SEMA3A: variants seen among roughly 807,000 people sequenced by gnomAD.
SEMA3A encodes semaphorin 3A, also known as semaphorin-3A.
SEMA3A carries 29 observed loss-of-function variants against 97.9 expected under a neutral mutation model. The observed-to-expected ratio is 0.30, with a 90% confidence interval of 0.22 to 0.40. The LOEUF (loss-of-function observed/expected upper bound fraction) is 0.40, where lower values mean the gene tolerates loss of function less well. Among genes scored for constraint, SEMA3A ranks in the 10% least tolerant of loss-of-function variants. The probability of loss-of-function intolerance (pLI) is 1.00; values close to 1 mark genes in which losing one functional copy is unlikely to be tolerated. For synonymous variants in SEMA3A, 321 were observed against 323.7 expected (o/e 0.99, Z 0.09); for missense variants, 763 against 951.3 (o/e 0.80, Z 2.60).
chr7:84,345,517 T>C (rs1409931199), intron 2 of SEMA3A, among the ~76,000 whole-genome samples: 2 of 152,208 alleles, frequency 1.3e-5, no homozygotes, highest in African/African-American at 4.8e-5. Context: ...GTCAATCCTT[T>C]CAAATCCTGC....
intron 2 of SEMA3A, among the ~76,000 whole-genome samples, chr7:84,313,390 A>AAAC (rs1801409001): frequency 4.3e-5 from 4 of 91,980 alleles, no homozygotes; most frequent in Non-Finnish European, 7.2e-5. Flanking sequence ...ATATATATAT[A>AAAC]TATATATATA....
chr7:83,978,243 G>C (rs1455965179), intron 14 of SEMA3A, among the ~76,000 whole-genome samples: 4 of 152,176 alleles, frequency 2.6e-5, no homozygotes, highest in African/African-American at 9.7e-5. Flanking sequence ...AGGAATGAGA[G>C]AGAGAATAAA....
chr7:84,208,258 C>T (rs982284862), intron 3 of SEMA3A, among the ~76,000 whole-genome samples: 1 of 152,096 alleles, frequency 6.6e-6, no homozygotes, highest in Non-Finnish European at 1.5e-5. Flanking sequence ...CGAGACCATC[C>T]TGGCTAACAT....
intron 1 of SEMA3A, among the ~76,000 whole-genome samples, chr7:84,401,839 T>C (rs1461344890): frequency 2.6e-5 from 4 of 152,140 alleles, no homozygotes; most frequent in Admixed American, 2.6e-4. Flanking sequence ...CCTTTATCTG[T>C]CATCATATAA....
intron 3 of SEMA3A, among the ~76,000 whole-genome samples, chr7:84,284,602 T>C: frequency 6.6e-6 from 1 of 152,140 alleles, no homozygotes; most frequent in African/African-American, 2.4e-5. Context: ...TGACCTTCAG[T>C]TTCAGTGTCC....
At chr7:84,004,635 T>C (rs1790592026) in intron 11 of SEMA3A, among the ~76,000 whole-genome samples, 1 of 152,210 alleles carries the variant, frequency 6.6e-6, no homozygotes, top group African/African-American at 2.4e-5. Context: ...AGAAAAGTTA[T>C]GATGCAATTA....
intron 1 of SEMA3A, among the ~76,000 whole-genome samples, chr7:84,176,650 A>AT (rs1320520765): frequency 2.0e-5 from 3 of 152,268 alleles, no homozygotes; most frequent in East Asian, 3.9e-4. Flanking sequence ...ATGTAAACAC[A>AT]TTTTTTAAGC....
chr7:84,141,153 G>C (rs1279097705), intron 1 of SEMA3A, among the ~76,000 whole-genome samples: 1 of 152,070 alleles, frequency 6.6e-6, no homozygotes, highest in Admixed American at 6.6e-5. Flanking sequence ...GCGTAGATGG[G>C]GCCAATACCA....
chr7:84,227,941 G>T lies in SEMA3A; in HGVS notation c.-82-33273C>A, dbSNP rs910366743. Among the ~76,000 whole-genome samples the T allele has an allele frequency of 4.0e-5, 6 of 151,662 alleles. No homozygotes were observed. The South Asian group carries it at 1.2e-3, about 31-fold the overall frequency. On this transcript the variant is annotated intron_variant, in intron 3 of 3. Coordinates refer to the SEMA3A transcript ENST00000424555. ...TGTGTGTCAGGGAGTGGGGGGCGGG[G>T]GCAGGTAGTAGTTGTATGGGAATGG... is the stretch of plus-strand genomic sequence containing the variant.
At chr7:84,091,172 GAAA>G (rs1794571889) in intron 4 of SEMA3A, among the ~76,000 whole-genome samples, 772 of 36,418 alleles carry the variant, frequency 0.021, 7 homozygotes, top group Middle Eastern at 0.033. Flanking sequence ...AGGAAGGAAA[GAAA>G]GAAAGAAAGA....
intron 1 of SEMA3A, among the ~76,000 whole-genome samples, chr7:84,473,550 G>A (rs1388415943): frequency 1.3e-5 from 2 of 151,564 alleles, no homozygotes; most frequent in East Asian, 3.9e-4. Context: ...CACCACGCCT[G>A]GCTAATTTTT....
intron 4 of SEMA3A, among the ~76,000 whole-genome samples, chr7:84,062,943 T>C (rs13311844): frequency 2.0e-5 from 3 of 151,950 alleles, no homozygotes; most frequent in Non-Finnish European, 4.4e-5. Context: ...TGCCTGCCTC[T>C]GTAGGCTCCA....
At position 84,252,744 on chromosome 7, in the gene SEMA3A, A is replaced by C. The variant is rs112546235; in HGVS notation, c.-83+54463T>G. 3.3e-5 allele frequency among the ~76,000 whole-genome samples: 5 copies of C among 152,358 alleles called. 1 individual carries two copies. Among genetic ancestry groups the C allele is most frequent in the African/African-American group, 1.2e-4 (5 of 41,592 alleles). Reference sequence around the variant, plus strand: ...TTATTTCACTCTCTCATCTATTTACAGAAATTGTATATATAAAATTATCAA... The same window carrying C: ...TTATTTCACTCTCTCATCTATTTACCGAAATTGTATATATAAAATTATCAA... On this transcript the variant is annotated intron_variant, in intron 3 of 3. Transcript: ENST00000424555.
chr7:84,014,490 A>G lies in SEMA3A; in HGVS notation c.668-139T>C. ...TCTTTCGTTTGTTCATTTTGTAGGT[A>G]CATATTAATTGTTCTTTATGCATTA... On this transcript the variant is annotated intron_variant, in intron 6 of 16. Transcript: ENST00000265362. 7.4e-6 allele frequency: 5 copies of G among 673,348 alleles called. No homozygotes were observed. The South Asian group carries it at 1.0e-4, about 13-fold the overall frequency. 41.7% of individuals were successfully genotyped at this position (673,348 alleles called of 1,614,324 possible).
chr7:84,057,738 G>A (rs1226052695), intron 5 of SEMA3A, among the ~76,000 whole-genome samples: 1 of 144,100 alleles, frequency 6.9e-6, no homozygotes, highest in Non-Finnish European at 1.5e-5. Flanking sequence ...CTCCAGCCTG[G>A]GCGACAGAGC....
At chr7:84,026,509 G>T (rs1209729685) in intron 6 of SEMA3A, among the ~76,000 whole-genome samples, 2 of 152,124 alleles carry the variant, frequency 1.3e-5, no homozygotes, top group East Asian at 3.9e-4. Context: ...ATACCAAGAA[G>T]AATATAAATC....
chr7:84,398,658 A>T (rs1010422230), intron 1 of SEMA3A, among the ~76,000 whole-genome samples: 3 of 151,760 alleles, frequency 2.0e-5, no homozygotes, highest in Non-Finnish European at 4.4e-5. Context: ...TTTTGTTTTA[A>T]TTAGCCAAAC....
chr7:84,044,604 A>T (rs567740464), intron 6 of SEMA3A, among the ~76,000 whole-genome samples: 1 of 152,202 alleles, frequency 6.6e-6, no homozygotes, highest in South Asian at 2.1e-4. Context: ...AGTAGAGATT[A>T]ATAAAAAGTA....
chr7:84,288,089 C>A (rs111848505), intron 3 of SEMA3A, among the ~76,000 whole-genome samples: 118 of 152,046 alleles, frequency 7.8e-4, no homozygotes, highest in African/African-American at 2.7e-3. Context: ...TTTAATGAAT[C>A]TTAAAATGTT....
Sources: gnomAD v4.1 joint callset for allele counts (sites outside exome capture counted in the v4.1 genomes callset) on GRCh38, gnomAD v4.1.1 for gene constraint, MANE v1.5 for transcripts, NCBI Gene and HGNC (gene_info 2026-07-23, HGNC 2026-07-21) for gene names.